PCNX1: variants seen among roughly 807,000 people sequenced by gnomAD.
The protein encoded by PCNX1 is pecanex 1.
A neutral mutation model predicts 242.2 loss-of-function variants in PCNX1; 78 were observed. The observed-to-expected ratio is 0.32, with a 90% confidence interval of 0.27 to 0.39. The LOEUF (loss-of-function observed/expected upper bound fraction) is 0.39, where lower values mean the gene tolerates loss of function less well. Ranked by LOEUF, PCNX1 falls within the 10% of genes least tolerant of loss-of-function variation. The pLI is 1.00. For synonymous variants in PCNX1, 1,024 were observed against 1,032.9 expected (o/e 0.99, Z 0.17); for missense variants, 2,581 against 2,856.5 (o/e 0.90, Z 2.20).
intron 28 of PCNX1, among the ~76,000 whole-genome samples, chr14:71,081,832 G>C (rs189168308): frequency 1.4e-4 from 21 of 152,142 alleles, no homozygotes; most frequent in African/African-American, 5.1e-4. Context: ...ATTTTTTGAA[G>C]GGTTTTGTTG....
chr14:71,013,637 A>C (rs1321166586), intron 11 of PCNX1, among the ~76,000 whole-genome samples: 2 of 151,722 alleles, frequency 1.3e-5, no homozygotes, highest in Non-Finnish European at 2.9e-5. Flanking sequence ...ATGGAGTAAC[A>C]GGATTGGATT....
intron 2 of PCNX1, among the ~76,000 whole-genome samples, chr14:70,953,632 T>G (rs1187653750): frequency 6.7e-6 from 1 of 150,046 alleles, no homozygotes; most frequent in East Asian, 1.9e-4. Flanking sequence ...TTTTTAGTAA[T>G]CAGGTTTTTT....
chr14:71,026,312 A>T lies in PCNX1; in HGVS notation c.3355+24A>T, dbSNP rs764238445. 8 of 1,392,144 alleles carry T rather than the reference A, an allele frequency of 5.7e-6. No homozygotes were observed. In the South Asian group the frequency reaches 1.1e-4, roughly 19 times the overall value. The allele number at this position is 1,392,144 out of a possible 1,614,324, so 86.2% of individuals were successfully genotyped here. A position where few individuals can be genotyped will look rare whatever the true frequency, so the allele number is the denominator to read the frequency against. ...AGGTGAGTCATCTTAAAGTATCTCT[A>T]ATCTTAAAATTAATTTATTTGTATA... On this transcript the variant is annotated intron_variant, in intron 14 of 35. Transcript: ENST00000304743.
chr14:71,006,594 T>A (rs2059674595), intron 8 of PCNX1, among the ~76,000 whole-genome samples: 1 of 152,192 alleles, frequency 6.6e-6, no homozygotes, highest in East Asian at 1.9e-4. Flanking sequence ...AATATTAAAA[T>A]AGGGGTATTG....
chr14:70,962,624 T>C (rs1177896897), intron 3 of PCNX1, among the ~76,000 whole-genome samples: 1 of 152,346 alleles, frequency 6.6e-6, no homozygotes, highest in African/African-American at 2.4e-5. Flanking sequence ...CTTCACATCA[T>C]GTGTATTAGA....
At chr14:71,013,562 G>T (rs10132789) in intron 11 of PCNX1, among the ~76,000 whole-genome samples, 83,566 of 145,620 alleles carry the variant, frequency 0.57, 26,830 homozygotes, top group East Asian at 0.75. Flanking sequence ...TGTTTCCCTG[G>T]TTCTTAACAC....
At chr14:71,021,924 A>G (rs2060113242) in intron 12 of PCNX1, among the ~76,000 whole-genome samples, 1 of 152,066 alleles carries the variant, frequency 6.6e-6, no homozygotes, top group Admixed American at 6.6e-5. Context: ...CAGTGAAGTC[A>G]TCCTTTTTTA....
At chr14:71,010,951 AC>A (rs1183072933) in intron 9 of PCNX1, among the ~76,000 whole-genome samples, 1 of 152,078 alleles carries the variant, frequency 6.6e-6, no homozygotes, top group Non-Finnish European at 1.5e-5. Context: ...TTGTACTGTT[AC>A]CCTGATTCTG....
intron 31 of PCNX1, 85 bp from the exon 32 acceptor site, chr14:71,103,310 T>G: frequency 7.1e-7 from 1 of 1,405,738 alleles, no homozygotes; most frequent in Non-Finnish European, 9.9e-7. Context: ...TAATATCTTT[T>G]GTATTCCTCC....
chr14:71,088,158 C>T (rs2062039818), intron 28 of PCNX1, among the ~76,000 whole-genome samples, 172 bp from the exon 29 acceptor site: 1 of 152,030 alleles, frequency 6.6e-6, no homozygotes, highest in Admixed American at 6.5e-5. Context: ...TCCAAAGAAA[C>T]TCCCCATACA....
At chr14:70,952,618 C>G (rs1056523086) in intron 2 of PCNX1, among the ~76,000 whole-genome samples, 1 of 152,040 alleles carries the variant, frequency 6.6e-6, no homozygotes, top group African/African-American at 2.4e-5. Flanking sequence ...TTTATTGACT[C>G]ACGCATGGTG....
chr14:71,103,693 C>T (rs1566807891), intron 32 of PCNX1, 24 bp downstream of exon 32: 1 of 1,610,638 alleles, frequency 6.2e-7, no homozygotes, highest in Admixed American at 1.7e-5. Context: ...TTGTATTATT[C>T]AGTGCTGGTG....
At chr14:71,033,360 A>T (rs1027333837) in intron 16 of PCNX1, 69 bp from the exon 17 acceptor site, 1 of 754,366 alleles carries the variant, frequency 1.3e-6, no homozygotes, top group Non-Finnish European at 2.2e-6. Flanking sequence ...CAAAATACGT[A>T]CATAAAAGGA....
chr14:71,103,838 A>G (rs2062530216), intron 32 of PCNX1, among the ~76,000 whole-genome samples, 169 bp downstream of exon 32: 1 of 152,244 alleles, frequency 6.6e-6, no homozygotes, highest in South Asian at 2.1e-4. Context: ...CTTATCTTCA[A>G]AATCTTATTA....
At chr14:71,019,690 G>A (rs966082784) in intron 12 of PCNX1, among the ~76,000 whole-genome samples, 2 of 151,952 alleles carry the variant, frequency 1.3e-5, no homozygotes, top group African/African-American at 4.8e-5. Context: ...ATGAGCCACT[G>A]CGCCTGGCCT....
At chr14:70,923,003 ATCTT>A (rs1289178316) in intron 1 of PCNX1, among the ~76,000 whole-genome samples, 2 of 152,098 alleles carry the variant, frequency 1.3e-5, no homozygotes, top group Admixed American at 6.5e-5. Context: ...GTTATTATGA[ATCTT>A]TCTCAATGTG....
chr14:70,977,337 G>C lies in PCNX1; in HGVS notation c.1000G>C (p.Gly334Arg), dbSNP rs2058716571. The change falls in exon 6 of 36, where the codon GGT becomes CGT. Residue 334 changes from glycine to arginine, a missense_variant. Transcript: ENST00000304743. Reference sequence around the variant, plus strand: ...CAAAGAATCCTTGGTGGAAAATTCTGGTTTATCTGGGGAATTTCAGCTTGC... The same window carrying C: ...CAAAGAATCCTTGGTGGAAAATTCTCGTTTATCTGGGGAATTTCAGCTTGC... ...GSKESLVENS[G>R]LSGEFQLAGD... is the part of the protein sequence containing the mutation. 3 of 1,613,986 alleles carry C rather than the reference G, an allele frequency of 1.9e-6. No homozygotes were observed. Among genetic ancestry groups the C allele is most frequent in the Non-Finnish European group, 2.5e-6 (3 of 1,180,022 alleles).
intron 13 of PCNX1, among the ~76,000 whole-genome samples, chr14:71,025,291 C>T (rs954144475): frequency 5.3e-5 from 8 of 152,144 alleles, no homozygotes; most frequent in East Asian, 1.9e-4. Context: ...GAGTCCATCA[C>T]GCAGCTTTCT....
intron 2 of PCNX1, among the ~76,000 whole-genome samples, chr14:70,961,180 G>A (rs1475779930): frequency 6.6e-6 from 1 of 152,076 alleles, no homozygotes; most frequent in Non-Finnish European, 1.5e-5. Context: ...AAGTTCATAT[G>A]GAACCAAAAA....
Sources: gnomAD v4.1 joint callset for allele counts (sites outside exome capture counted in the v4.1 genomes callset) on GRCh38, gnomAD v4.1.1 for gene constraint, MANE v1.5 for transcripts, NCBI Gene and HGNC (gene_info 2026-07-23, HGNC 2026-07-21) for gene names.